VPS45: variants seen among roughly 807,000 people sequenced by gnomAD.
VPS45 encodes the protein vacuolar protein sorting 45 homolog.
A neutral mutation model predicts 75.9 loss-of-function variants in VPS45; 35 were observed. That is an observed-to-expected ratio of 0.46 (90% CI 0.35 to 0.61). The LOEUF (loss-of-function observed/expected upper bound fraction) is 0.61, where lower values mean the gene tolerates loss of function less well. Ranked by LOEUF, VPS45 falls within the 20% of genes least tolerant of loss-of-function variation. The pLI, the probability that VPS45 is intolerant of heterozygous loss-of-function variation, is 0.00. For missense variants in VPS45, 559 were observed against 685.9 expected, an observed-to-expected ratio of 0.81 and a Z score of 2.07; for synonymous variants, 220 against 238.2, an observed-to-expected ratio of 0.92 and a Z score of 0.70.
intron 14 of VPS45, among the ~76,000 whole-genome samples, chr1:150,132,010 C>G (rs182425225): frequency 4.6e-5 from 7 of 152,248 alleles, no homozygotes; most frequent in Admixed American, 3.9e-4. Flanking sequence ...CAAGAGTCAG[C>G]AAGGTAGATG....
At position 150,077,130 on chromosome 1, in the gene VPS45, A is replaced by G. The variant is rs142551106; in HGVS notation, c.475A>G (p.Thr159Ala). 10 of 1,613,954 alleles carry G rather than the reference A, an allele frequency of 6.2e-6. No homozygotes were observed. The highest frequency in any genetic ancestry group is 8.5e-6 in the Non-Finnish European group (10 of 1,180,024). ...NWDPAQLSRT[T>A]QGLTALLLSL... is the part of the protein sequence containing the mutation. The stretch of plus-strand genomic sequence containing the variant: ...GGATCCAGCCCAGCTATCTAGAACA[A>G]CTCAAGGGCTTACAGCTCTCCTTTT... Residue 159 changes from threonine to alanine, a missense_variant, in exon 6 of 15, where the codon ACT (threonine) becomes GCT (alanine). By Grantham distance (58) the Thr-to-Ala change is moderately conservative. Coordinates refer to ENST00000644510, the MANE Select transcript of VPS45 (RefSeq NM_007259.5).
intron 14 of VPS45, among the ~76,000 whole-genome samples, chr1:150,118,134 A>G (rs904694949): frequency 1.3e-5 from 2 of 150,980 alleles, no homozygotes; most frequent in Admixed American, 6.6e-5. Flanking sequence ...AAATACAAAA[A>G]TTAGTTGGGT....
Position 150,072,203 on chromosome 1 carries a change from C to A in VPS45, c.266C>A (p.Pro89His). Reference protein sequence around the residue: ...VDYIIQELRRPKYTIYFIYFS... With the variant: ...VDYIIQELRRHKYTIYFIYFS... ...TATATTATTCAGGAGCTCCGAAGACCCAAATACACTATATATTTCATTTGT... is the reference window on the plus strand; with the variant it reads ...TATATTATTCAGGAGCTCCGAAGACACAAATACACTATATATTTCATTTGT... Residue 89 changes from proline (P) to histidine (H), a missense_variant, in exon 3 of 15, where the codon CCC becomes CAC. Coordinates refer to ENST00000644510, the MANE Select transcript of VPS45 (RefSeq NM_007259.5). 6.2e-7 allele frequency: 1 copy of A among 1,605,972 alleles called. No homozygotes were observed. The highest frequency in any genetic ancestry group is 1.7e-5 in the Admixed American group (1 of 59,526).
chr1:150,080,642 A>T (rs1012605621), intron 7 of VPS45, among the ~76,000 whole-genome samples: 10 of 152,330 alleles, frequency 6.6e-5, no homozygotes, highest in Non-Finnish European at 1.5e-4. Context: ...ATGCTAGAAA[A>T]TACTTCATTT....
rs587725484 is a variant in VPS45, at chr1:150,069,709, G to A, written c.228+945G>A. On this transcript the variant is annotated intron_variant, in intron 2 of 14. Coordinates refer to ENST00000644510, the MANE Select transcript of VPS45 (RefSeq NM_007259.5). Reference sequence around the variant, plus strand: ...CTGACCTCATGATCCGCCCGCCTTGGCCTCCCAAAGTGCTGGGATTACAGG... The same window carrying A: ...CTGACCTCATGATCCGCCCGCCTTGACCTCCCAAAGTGCTGGGATTACAGG... Among the ~76,000 whole-genome samples, 379 of 152,140 alleles carry A rather than the reference G, an allele frequency of 2.5e-3. 2 individuals carry two copies. The highest frequency in any genetic ancestry group is 8.7e-3 in the African/African-American group (362 of 41,488).
At position 150,120,062 on chromosome 1, in the gene VPS45, C is replaced by T. The variant is rs142345665; in HGVS notation, c.1625+9435C>T. Among the ~76,000 whole-genome samples the T allele has an allele frequency of 8.6e-3, 1,313 of 152,200 alleles. 20 individuals carry two copies. Among genetic ancestry groups the T allele is most frequent in the African/African-American group, 0.031 (1,269 of 41,510 alleles). ...GGCAGAGGTTGCGATGAGCTGAGAT[C>T]GCGCCATCGCACTCCAGCCTGGGCA... On this transcript the variant is annotated intron_variant, in intron 14 of 14. Transcript: ENST00000644510.
chr1:150,105,988 A>G (rs587619065), intron 13 of VPS45, among the ~76,000 whole-genome samples: 2 of 152,320 alleles, frequency 1.3e-5, no homozygotes, highest in South Asian at 4.1e-4. Context: ...TAAAGTCGAT[A>G]AAAATAAACA....
At chr1:150,073,248 TA>T (rs1553797391) in intron 3 of VPS45, among the ~76,000 whole-genome samples, 2 of 152,206 alleles carry the variant, frequency 1.3e-5, no homozygotes, top group Non-Finnish European at 2.9e-5. Context: ...GATTTAACAG[TA>T]AGTAGGGCAT....
chr1:150,112,862 T>A (rs1553807431), intron 14 of VPS45, among the ~76,000 whole-genome samples: 1 of 152,114 alleles, frequency 6.6e-6, no homozygotes, highest in Non-Finnish European at 1.5e-5. Context: ...TTGCCAGTTA[T>A]TACAAAGGAT....
chr1:150,137,185 G>C (rs1190855768), intron 14 of VPS45, among the ~76,000 whole-genome samples: 1 of 152,166 alleles, frequency 6.6e-6, no homozygotes, highest in African/African-American at 2.4e-5. Flanking sequence ...ACAGGTGTGA[G>C]CCACCACACC....
chr1:150,067,917 T>C lies in VPS45; in HGVS notation c.60T>C (p.Pro20=). The C allele has an allele frequency of 6.2e-7, 1 of 1,614,230 alleles. No homozygotes were observed. The highest frequency in any genetic ancestry group is 8.5e-7 in the Non-Finnish European group (1 of 1,180,026). The part of the protein sequence containing the change: ...YISKMIEDSG[P]GMKVLLMDKE... ...CCAAAATGATAGAGGACAGCGGGCC[T>C]GGTATGAAAGTACTTCTCATGGATA... The change falls in exon 1 of 15, where the codon CCT becomes CCC. Residue 20 remains proline, a synonymous_variant. Coordinates refer to ENST00000644510, the MANE Select transcript of VPS45 (RefSeq NM_007259.5).
chr1:150,137,925 A>AAC (rs1659196894), intron 14 of VPS45, among the ~76,000 whole-genome samples: 1 of 151,096 alleles, frequency 6.6e-6, no homozygotes. Context: ...CAAAAAAAAA[A>AAC]AAAAAAAAAA....
At chr1:150,102,999 A>T (rs1169960057) in intron 13 of VPS45, among the ~76,000 whole-genome samples, 1 of 152,132 alleles carries the variant, frequency 6.6e-6, no homozygotes, top group Non-Finnish European at 1.5e-5. Flanking sequence ...CTTCACATGT[A>T]CCCCCAAACT....
intron 10 of VPS45, among the ~76,000 whole-genome samples, chr1:150,084,402 G>A (rs1655894661): frequency 1.3e-5 from 2 of 152,106 alleles, no homozygotes; most frequent in South Asian, 4.1e-4. Flanking sequence ...AGTGATAGTA[G>A]TAAAAATGTA....
chr1:150,141,370 G>A (rs1220181510), intron 14 of VPS45, among the ~76,000 whole-genome samples: 3 of 152,146 alleles, frequency 2.0e-5, no homozygotes, highest in Admixed American at 1.3e-4. Context: ...GAAAAAGGAG[G>A]AAGACATATC....
At chr1:150,092,509 G>A (rs1656388467) in intron 12 of VPS45, 100 bp downstream of exon 12, 1 of 975,662 alleles carries the variant, frequency 1.0e-6, no homozygotes. Flanking sequence ...GAAGATTGCT[G>A]CTAATTTAGT....
chr1:150,076,077 T>TATATATATATATATATAA (rs1313052333), intron 3 of VPS45, among the ~76,000 whole-genome samples, 156 bp from the exon 4 acceptor site: 2 of 148,712 alleles, frequency 1.3e-5, no homozygotes, highest in African/African-American at 5.0e-5. Flanking sequence ...TATATATATA[T>TATATATATATATATATAA]ATATATAAAA....
At chr1:150,135,952 G>A (rs1659067491) in intron 14 of VPS45, among the ~76,000 whole-genome samples, 1 of 151,170 alleles carries the variant, frequency 6.6e-6, no homozygotes, top group Non-Finnish European at 1.5e-5. Flanking sequence ...CTTCTTCCTA[G>A]GTATAAAAAT....
At chr1:150,073,275 GCTTA>G (rs1415103094) in intron 3 of VPS45, among the ~76,000 whole-genome samples, 5 of 152,250 alleles carry the variant, frequency 3.3e-5, no homozygotes, top group Admixed American at 1.3e-4. Flanking sequence ...AAGTTTTAAA[GCTTA>G]CTTAAAGGTA....
Sources: gnomAD v4.1 joint callset for allele counts (sites outside exome capture counted in the v4.1 genomes callset) on GRCh38, gnomAD v4.1.1 for gene constraint, MANE v1.5 for transcripts, NCBI Gene and HGNC (gene_info 2026-07-23, HGNC 2026-07-21) for gene names.